The following EFCAB12 variants were observed in gnomAD, a reference collection of about 807,000 sequenced individuals.
The protein encoded by EFCAB12 is EF-hand calcium binding domain 12, also known as EF-hand calcium-binding domain-containing protein 12.
In EFCAB12, 43 loss-of-function variants were observed where a neutral mutation model predicts 53.6. The ratio of observed to expected loss-of-function variants is 0.80; its 90% CI spans 0.63 to 1.03. EFCAB12 has a LOEUF of 1.03. Among genes scored for constraint, EFCAB12 ranks in the 50% least tolerant of loss-of-function variants. EFCAB12 has a pLI of 0.00. For synonymous variants in EFCAB12, 269 were observed against 289.2 expected, an observed-to-expected ratio of 0.93 and a Z score of 0.71; for missense variants, 646 against 730.6, an observed-to-expected ratio of 0.88 and a Z score of 1.34.
At chr3:129,424,089 C>T (rs907953515) in intron 1 of EFCAB12, among the ~76,000 whole-genome samples, 9 of 152,150 alleles carry the variant, frequency 5.9e-5, no homozygotes, top group African/African-American at 2.2e-4. Flanking sequence ...ATACTTTCTG[C>T]ATCTTTCTTT....
intron 6 of EFCAB12, 42 bp downstream of exon 6, chr3:129,408,603 T>A: frequency 6.5e-7 from 1 of 1,547,100 alleles, no homozygotes; most frequent in South Asian, 1.2e-5. Context: ...AGCTCTGGGG[T>A]TCCCTTGGCA....
intron 3 of EFCAB12, among the ~76,000 whole-genome samples, chr3:129,416,157 G>A (rs918428054): frequency 1.3e-5 from 2 of 151,436 alleles, no homozygotes; most frequent in African/African-American, 2.4e-5. Context: ...TGTGCCTCAC[G>A]TTTGTAAACC....
In EFCAB12 at chr3:129,421,439, C is replaced by T; in HGVS notation, c.414G>A (p.Lys138=). The change falls in exon 2 of 9, where the codon AAG becomes AAA. Residue 138 remains lysine, a synonymous_variant. Transcript: ENST00000505956. ...GCTCCTCGTGGATCATGTGTAAGAC[C>T]TTGGCCTCTGAAGGCGTGATGCTGG... The part of the protein sequence containing the change: ...NKPSITPSEA[K]VLHMIHEEQS... 6.2e-7 allele frequency: 1 copy of T among 1,614,014 alleles called. No individual in the cohort carries two copies. Among genetic ancestry groups the T allele is most frequent in the South Asian group, 1.1e-5 (1 of 91,086 alleles).
At chr3:129,403,884 G>A in intron 7 of EFCAB12, 1 of 163,652 alleles carries the variant, frequency 6.1e-6, no homozygotes, top group Admixed American at 6.3e-5. Flanking sequence ...AGAAAGGGCT[G>A]CCCCCTGTTC....
At chr3:129,405,386 G>C (rs558318731) in intron 6 of EFCAB12, among the ~76,000 whole-genome samples, 19 of 152,234 alleles carry the variant, frequency 1.2e-4, no homozygotes, top group African/African-American at 4.6e-4. Flanking sequence ...GGAGAGGGAA[G>C]GGGGAGATAT....
chr3:129,401,907 G>A, intron 8 of EFCAB12, 56 bp from the exon 9 acceptor site: 5 of 1,570,920 alleles, frequency 3.2e-6, no homozygotes, highest in Non-Finnish European at 4.3e-6. Flanking sequence ...CAGAGCTGAG[G>A]CTTCATCGCA....
Position 129,408,636 on chromosome 3 carries a change from G to A in EFCAB12, c.1249+9C>T, listed in dbSNP as rs1403591776. 6 of 1,559,960 alleles carry A rather than the reference G, an allele frequency of 3.8e-6. No homozygotes were observed. Among genetic ancestry groups the A allele is most frequent in the Non-Finnish European group, 4.3e-6 (5 of 1,151,012 alleles). ...GCATCTTCCTAGGGCCAGCTACCGA[G>A]GCCCTTACCTTTCATGAGGATGTCC... is the stretch of plus-strand genomic sequence containing the variant. On this transcript the variant is annotated intron_variant, in intron 6 of 8. Transcript: ENST00000505956.
intron 1 of EFCAB12, 70 bp downstream of exon 1, chr3:129,428,370 C>A: frequency 6.4e-7 from 1 of 1,553,018 alleles, no homozygotes; most frequent in African/African-American, 1.4e-5. Flanking sequence ...TGAGTTTTTG[C>A]CCTCACCCCA....
At position 129,421,802 on chromosome 3, in the gene EFCAB12, T is replaced by C; in HGVS notation, c.51A>G (p.Gly17=). The C allele has an allele frequency of 6.2e-7, 1 of 1,609,504 alleles. No individual in the cohort carries two copies. Among genetic ancestry groups the C allele is most frequent in the Non-Finnish European group, 8.5e-7 (1 of 1,177,378 alleles). The change falls in exon 2 of 9, where the codon GGA becomes GGG. Residue 17 remains glycine, a splice_region_variant and synonymous_variant. Transcript: ENST00000505956. ...AYHSLFLSLL[G]LCPSKTPINE... ...TGATGGGAGTCTTAGACGGGCAGAGTCCTTGGGGTAAGAGAGTTAAAAGAT... is the reference window on the plus strand; with the variant it reads ...TGATGGGAGTCTTAGACGGGCAGAGCCCTTGGGGTAAGAGAGTTAAAAGAT...
intron 3 of EFCAB12, 78 bp downstream of exon 3, chr3:129,418,175 AG>A: frequency 7.5e-7 from 1 of 1,331,248 alleles, no homozygotes; most frequent in Non-Finnish European, 1.0e-6. Flanking sequence ...ATGGCGGGGG[AG>A]GGGCGGGGGT....
In EFCAB12 at chr3:129,402,600, A is replaced by AT. The variant is rs777963215; in HGVS notation, c.1404-22dup. 21 of 1,609,200 alleles carry AT rather than the reference A, an allele frequency of 1.3e-5. 1 individual carries two copies. The South Asian group carries it at 1.3e-4, about 10-fold the overall frequency. On this transcript the variant is annotated intron_variant, in intron 7 of 8. Coordinates refer to ENST00000505956, the MANE Select transcript of EFCAB12 (RefSeq NM_207307.3). ...TTTTCCTAGTGGAGAAGAGAGAGGC[A>AT]TTTTGTGAGGAGAGTGGAAATCCAG...
chr3:129,427,342 C>A (rs1223995030), intron 1 of EFCAB12, among the ~76,000 whole-genome samples: 1 of 148,352 alleles, frequency 6.7e-6, no homozygotes, highest in East Asian at 2.0e-4. Flanking sequence ...TCTTTGTGCC[C>A]CTTCCCCCAC....
In EFCAB12 at chr3:129,401,643, A is replaced by G; in HGVS notation, c.1669T>C (p.Tyr557His). 1 of 1,581,968 alleles carries G rather than the reference A, an allele frequency of 6.3e-7. No individual in the cohort carries two copies. Among genetic ancestry groups the G allele is most frequent in the Non-Finnish European group, 8.6e-7 (1 of 1,163,586 alleles). Residue 557 changes from tyrosine (Y) to histidine (H), a missense_variant, in exon 9 of 9, where the codon TAC (tyrosine) becomes CAC (histidine). Physicochemically the swap from Tyr to His is moderately conservative, Grantham distance 83. Coordinates refer to ENST00000505956, the MANE Select transcript of EFCAB12 (RefSeq NM_207307.3). ...DHWWPLRNKNYMTHAHYDAAK... is the reference protein window; with the variant it reads ...DHWWPLRNKNHMTHAHYDAAK... ...GCATCATAATGGGCGTGGGTCATGT[A>G]GTTCTTGTTCCTAAGGGGCCACCAG...
chr3:129,415,391 G>T lies in EFCAB12; in HGVS notation c.692C>A (p.Pro231His), dbSNP rs1268864279. Residue 231 changes from proline to histidine, a missense_variant, in exon 4 of 9, where the codon CCT becomes CAT. By Grantham distance (77) the Pro-to-His change is moderately conservative. Transcript: ENST00000505956. ...ATCCTCCACCTCTTGGTTCTTCAGA[G>T]GGACTCCGACCTGAGGAGAGAGAAG... Reference protein sequence around the residue: ...FIAAVKAVGVPLKNQEVEDIV... With the variant: ...FIAAVKAVGVHLKNQEVEDIV... The T allele has an allele frequency of 6.2e-7, 1 of 1,613,604 alleles. No individual in the cohort carries two copies. The highest frequency in any genetic ancestry group is 1.3e-5 in the African/African-American group (1 of 74,884).
At chr3:129,411,821 C>G (rs2072045135) in intron 4 of EFCAB12, 1 of 153,104 alleles carries the variant, frequency 6.5e-6, no homozygotes. Flanking sequence ...GTAGTCCCAG[C>G]TATTCGGGAG....
At chr3:129,428,383 T>G (rs2072295746) in intron 1 of EFCAB12, 57 bp downstream of exon 1, 2 of 1,563,346 alleles carry the variant, frequency 1.3e-6, no homozygotes, top group African/African-American at 2.7e-5. Flanking sequence ...TCACCCCACT[T>G]TCACGCGTCC....
intron 2 of EFCAB12, chr3:129,418,650 C>T: frequency 2.3e-6 from 1 of 441,924 alleles, no homozygotes; most frequent in Non-Finnish European, 4.0e-6. Context: ...TTGGTTTTCT[C>T]ATCTGAAAAA....
chr3:129,411,722 C>G (rs2072043445), intron 4 of EFCAB12: 1 of 164,790 alleles, frequency 6.1e-6, no homozygotes, highest in African/African-American at 2.4e-5. Context: ...ATCATGAAGT[C>G]AGGAGATCGA....
In EFCAB12 at chr3:129,418,320, A is replaced by G; in HGVS notation, c.615T>C (p.Phe205=). 1.2e-6 allele frequency: 2 copies of G among 1,613,568 alleles called. No individual in the cohort carries two copies. The highest frequency in any genetic ancestry group is 2.2e-5 in the South Asian group (2 of 91,012). Residue 205 remains phenylalanine (F), a synonymous_variant, in exon 3 of 9, where the codon TTT becomes TTC. Transcript: ENST00000505956. ...GGTTCTCACCCTGGCCCACCTTGTG[A>G]AATATCTCCAGGATCTTGATCTTGC... The part of the protein sequence containing the change: ...HSRKIKILEI[F]HKVGQGENQR...
Sources: allele counts gnomAD v4.1 joint callset (sites outside exome capture counted in the v4.1 genomes callset), GRCh38; gene constraint gnomAD v4.1.1; transcripts MANE v1.5; gene names NCBI Gene and HGNC (gene_info 2026-07-23, HGNC 2026-07-21).